The following GRIK4 variants were observed in gnomAD, a reference collection of about 807,000 sequenced individuals.
GRIK4 encodes the protein glutamate receptor ionotropic, kainate 4.
GRIK4 carries 40 observed loss-of-function variants against 104.9 expected under a neutral mutation model. The observed-to-expected ratio is 0.38, with a 90% CI of 0.30 to 0.50. The LOEUF (loss-of-function observed/expected upper bound fraction) is 0.50. GRIK4 is among the 20% of genes least tolerant of loss of function. The probability of loss-of-function intolerance (pLI) is 0.93; values close to 1 mark genes in which losing one functional copy is unlikely to be tolerated. For synonymous variants in GRIK4, 485 were observed against 524.9 expected, an observed-to-expected ratio of 0.92 and a Z score of 1.04; for missense variants, 1,047 against 1,308.1, an observed-to-expected ratio of 0.80 and a Z score of 3.08.
At chr11:120,774,012 A>G (rs1232972395) in intron 3 of GRIK4, among the ~76,000 whole-genome samples, 2 of 152,226 alleles carry the variant, frequency 1.3e-5, no homozygotes, top group Non-Finnish European at 2.9e-5. Context: ...AAATTCAATA[A>G]CAAAGAGGAA....
chr11:120,817,744 A>G (rs1003988530), intron 5 of GRIK4, among the ~76,000 whole-genome samples: 4 of 152,166 alleles, frequency 2.6e-5, no homozygotes, highest in Admixed American at 6.5e-5. Flanking sequence ...CCCTGCCTAG[A>G]CCCAGCAGAG....
At chr11:120,909,394 G>A (rs1427507684) in intron 13 of GRIK4, among the ~76,000 whole-genome samples, 1 of 152,176 alleles carries the variant, frequency 6.6e-6, no homozygotes, top group East Asian at 1.9e-4. Context: ...TAGGCCAATT[G>A]TCAACAGCTG....
chr11:120,895,937 G>C (rs972899959), intron 11 of GRIK4, among the ~76,000 whole-genome samples: 12 of 152,182 alleles, frequency 7.9e-5, no homozygotes, highest in African/African-American at 2.4e-4. Context: ...AACATGGCCT[G>C]GCTGGTCCCT....
Position 120,940,476 on chromosome 11 carries a change from T to TATA in GRIK4, c.1590+18_1590+20dup. 1 of 1,352,218 alleles carries TATA rather than the reference T, an allele frequency of 7.4e-7. No individual in the cohort carries two copies. Among genetic ancestry groups the TATA allele is most frequent in the Non-Finnish European group, 1.1e-6 (1 of 943,524 alleles). The allele number at this position is 1,352,218 out of a possible 1,614,324, so 83.8% of individuals were successfully genotyped here. On this transcript the variant is annotated intron_variant, in intron 14 of 20. Transcript: ENST00000527524. This position sits in a 1 kb window ranked among gnomAD's most constrained non-coding sequence, Gnocchi z 4.3. Reference sequence around the variant, plus strand: ...CGTTCATATGGTAAGAGACTTATTTTATAAGCATTTATGTCATTAAAGTTA... The same window carrying TATA: ...CGTTCATATGGTAAGAGACTTATTTTATAATAAGCATTTATGTCATTAAAGTTA...
chr11:120,641,650 C>T (rs1949473659), intron 1 of GRIK4, among the ~76,000 whole-genome samples: 1 of 152,190 alleles, frequency 6.6e-6, no homozygotes, highest in Non-Finnish European at 1.5e-5. Flanking sequence ...TTATAATAGG[C>T]ATATAATGAG....
intron 3 of GRIK4, among the ~76,000 whole-genome samples, chr11:120,774,893 C>CCTAAATGA (rs1952011383): frequency 6.6e-6 from 1 of 152,052 alleles, no homozygotes; most frequent in Non-Finnish European, 1.5e-5. Context: ...CAAATAGAAA[C>CCTAAATGA]CTAAATGACA....
intron 1 of GRIK4, among the ~76,000 whole-genome samples, chr11:120,599,202 C>T (rs930502471): frequency 2.6e-5 from 4 of 152,204 alleles, no homozygotes; most frequent in Non-Finnish European, 5.9e-5. Flanking sequence ...TTTTTAAACA[C>T]GCAGAGAATG....
intron 1 of GRIK4, among the ~76,000 whole-genome samples, chr11:120,600,276 A>G (rs1948866898): frequency 1.3e-5 from 2 of 152,118 alleles, no homozygotes; most frequent in South Asian, 4.2e-4. Flanking sequence ...TTCCTGGTGC[A>G]CTGTCAGCCT....
intron 4 of GRIK4, among the ~76,000 whole-genome samples, chr11:120,810,923 A>G (rs979049600): frequency 6.6e-6 from 1 of 152,216 alleles, no homozygotes; most frequent in African/African-American, 2.4e-5. Flanking sequence ...TGTTGCCTAC[A>G]TTCAAAATGG....
At chr11:120,717,156 A>T (rs888039525) in intron 3 of GRIK4, among the ~76,000 whole-genome samples, 1 of 152,162 alleles carries the variant, frequency 6.6e-6, no homozygotes, top group Non-Finnish European at 1.5e-5. Context: ...CCCTGTGCTC[A>T]TCGCGGAACT....
intron 1 of GRIK4, among the ~76,000 whole-genome samples, chr11:120,588,665 G>A (rs1186931920): frequency 2.0e-5 from 3 of 152,128 alleles, no homozygotes; most frequent in South Asian, 2.1e-4. Context: ...AGAGTTTGGC[G>A]GCAGGGGATA....
intron 1 of GRIK4, among the ~76,000 whole-genome samples, chr11:120,579,460 G>A (rs1167776690): frequency 6.6e-6 from 1 of 152,174 alleles, no homozygotes; most frequent in East Asian, 1.9e-4. Flanking sequence ...ATAGGGGTGC[G>A]GAATGAGAGG....
intron 1 of GRIK4, among the ~76,000 whole-genome samples, chr11:120,641,113 G>C (rs963788460): frequency 1.3e-5 from 2 of 152,250 alleles, no homozygotes; most frequent in Non-Finnish European, 2.9e-5. Flanking sequence ...ATCTGCAGGA[G>C]AGCTGTTCTA....
intron 9 of GRIK4, among the ~76,000 whole-genome samples, chr11:120,867,337 G>A (rs369522327): frequency 5.9e-5 from 9 of 152,082 alleles, no homozygotes; most frequent in South Asian, 2.1e-4. Context: ...GCTGGAAGGC[G>A]AGAGGGAGTC....
At chr11:120,734,004 G>A (rs895305898) in intron 3 of GRIK4, among the ~76,000 whole-genome samples, 1 of 152,102 alleles carries the variant, frequency 6.6e-6, no homozygotes, top group Admixed American at 6.5e-5. Context: ...CCAAAGTGCT[G>A]GGATTACAGG....
At chr11:120,872,119 G>C in intron 9 of GRIK4, 1 of 344,552 alleles carries the variant, frequency 2.9e-6, no homozygotes, top group Non-Finnish European at 5.7e-6. Context: ...AGGGGGCACA[G>C]CCCCTGCCCT....
intron 1 of GRIK4, among the ~76,000 whole-genome samples, chr11:120,562,691 G>A (rs548622184): frequency 6.6e-6 from 1 of 152,324 alleles, no homozygotes; most frequent in Admixed American, 6.5e-5. Context: ...ACCAGGCTAA[G>A]GGTGCCAGGA....
At chr11:120,846,319 G>A (rs541682036) in intron 8 of GRIK4, among the ~76,000 whole-genome samples, 1 of 152,366 alleles carries the variant, frequency 6.6e-6, no homozygotes, top group East Asian at 1.9e-4. Flanking sequence ...AGTGCCTGCT[G>A]TGTGGTGGGA....
At position 120,863,847 on chromosome 11, in the gene GRIK4, C is replaced by T. The variant is rs75098591; in HGVS notation, c.906+1727C>T. Among the ~76,000 whole-genome samples, 588 of 152,266 alleles carry T rather than the reference C, an allele frequency of 3.9e-3. 4 individuals carry two copies. Among genetic ancestry groups the T allele is most frequent in the African/African-American group, 0.013 (541 of 41,554 alleles). On this transcript the variant is annotated intron_variant, in intron 9 of 20. Transcript: ENST00000527524. The stretch of plus-strand genomic sequence containing the variant: ...CTGTGCTTTTATGATCATGCAGCCT[C>T]GTGGACATCTCAGGAAGGAAGGGGT...
Sources: gnomAD v4.1 joint callset for allele counts (sites outside exome capture counted in the v4.1 genomes callset) on GRCh38, gnomAD v4.1.1 for gene constraint, Gnocchi (gnomAD v3.1) non-coding constraint, MANE v1.5 for transcripts, NCBI Gene and HGNC (gene_info 2026-07-23, HGNC 2026-07-21) for gene names.